Variants in RABGAP1 observed in about 807,000 individuals in gnomAD.
RABGAP1 encodes rab GTPase-activating protein 1.
In RABGAP1, 23 loss-of-function variants were observed where a neutral mutation model predicts 137.6. The ratio of observed to expected loss-of-function variants is 0.17; its 90% confidence interval spans 0.12 to 0.24. RABGAP1 has a LOEUF of 0.24. Among genes scored for constraint, RABGAP1 ranks in the 10% least tolerant of loss-of-function variants. The pLI is 1.00. For synonymous variants in RABGAP1, 451 were observed against 450.7 expected, an observed-to-expected ratio of 1.00 and a Z score of -0.01; for missense variants, 906 against 1,275.8, an observed-to-expected ratio of 0.71 and a Z score of 4.42.
upstream of RABGAP1, among the ~76,000 whole-genome samples, chr9:122,935,955 G>T (rs1833382032): frequency 6.7e-6 from 1 of 149,468 alleles, no homozygotes; most frequent in African/African-American, 2.5e-5. Flanking sequence ...TTCCATGACA[G>T]TTTTTTTTTT....
chr9:123,034,576 A>G (rs1490501744), intron 13 of RABGAP1: 1 of 1,600,506 alleles, frequency 6.2e-7, no homozygotes, highest in Non-Finnish European at 8.5e-7. Context: ...GATGAACTCC[A>G]CCTTGGATGG....
chr9:123,064,369 A>G (rs1182630182), intron 13 of RABGAP1, among the ~76,000 whole-genome samples: 1 of 152,246 alleles, frequency 6.6e-6, no homozygotes, highest in Non-Finnish European at 1.5e-5. Flanking sequence ...AAGAAGGAGC[A>G]TAGGCTTTAA....
At position 122,990,811 on chromosome 9, in the gene RABGAP1, A is replaced by ATG. The variant is rs1564384307; in HGVS notation, c.923+599_923+600insGT. The ATG allele has an allele frequency of 6.0e-3, 630 of 104,570 alleles. 14 individuals carry two copies. Among genetic ancestry groups the ATG allele is most frequent in the Non-Finnish European group, 9.6e-3 (524 of 54,540 alleles). The allele number at this position is 104,570 out of a possible 1,614,324, so 6.5% of individuals were successfully genotyped here. On this transcript the variant is annotated intron_variant, in intron 6 of 25. Transcript: ENST00000373647. ...AAAAAAAAAAAATATATATATATATATATATATATATATATATATATATAT... is the reference window on the plus strand; with the variant it reads ...AAAAAAAAAAAATATATATATATATATGTATATATATATATATATATATATAT...
At chr9:123,010,092 T>G (rs2030664247) in intron 10 of RABGAP1, among the ~76,000 whole-genome samples, 1 of 152,166 alleles carries the variant, frequency 6.6e-6, no homozygotes, top group African/African-American at 2.4e-5. Context: ...CCAATATGGT[T>G]TGAAGCAGAA....
At chr9:122,996,943 C>A (rs779608929) in intron 8 of RABGAP1, 93 of 518,348 alleles carry the variant, frequency 1.8e-4, no homozygotes, top group Non-Finnish European at 3.6e-5. Context: ...TAGTATTATT[C>A]CCATTATCTG....
chr9:122,949,693 CAAAAAAAAA>C (rs60115483), intron 1 of RABGAP1, among the ~76,000 whole-genome samples: 1 of 54,804 alleles, frequency 1.8e-5, no homozygotes, highest in African/African-American at 5.7e-5. Context: ...GACTCTGTCT[CAAAAAAAAA>C]AAAAAAAAAG....
In RABGAP1 at chr9:123,073,665, G is replaced by A; in HGVS notation, c.2097G>A (p.Glu699=). ...EDLHCKFYQL[E]RLMQEYIPDL... is the part of the protein sequence containing the mutation. Reference sequence around the variant, plus strand: ...TGCATTGCAAATTTTACCAGTTGGAGCGCCTCATGCAGGTAAAAAGAGAAA... The same window carrying A: ...TGCATTGCAAATTTTACCAGTTGGAACGCCTCATGCAGGTAAAAAGAGAAA... The change falls in exon 16 of 26, where the codon GAG becomes GAA. Residue 699 remains glutamate (E), a synonymous_variant. Coordinates refer to ENST00000373647, the MANE Select transcript of RABGAP1 (RefSeq NM_012197.4). 6.2e-7 allele frequency: 1 copy of A among 1,613,730 alleles called. No homozygotes were observed. The highest frequency in any genetic ancestry group is 8.5e-7 in the Non-Finnish European group (1 of 1,179,782).
At chr9:122,973,286 G>A (rs534677394) in intron 2 of RABGAP1, among the ~76,000 whole-genome samples, 2 of 152,066 alleles carry the variant, frequency 1.3e-5, no homozygotes, top group Non-Finnish European at 2.9e-5. Flanking sequence ...TGCCCAGGCT[G>A]GAGTGCAGTG....
In RABGAP1 at chr9:122,957,071, G is replaced by A; in HGVS notation, c.12G>A (p.Lys4=). The A allele has an allele frequency of 1.3e-6, 2 of 1,518,574 alleles. No individual in the cohort carries two copies. Among genetic ancestry groups the A allele is most frequent in the Non-Finnish European group, 1.8e-6 (2 of 1,115,680 alleles). The allele number at this position is 1,518,574 out of a possible 1,614,324, so 94.1% of individuals were successfully genotyped here. The part of the protein sequence containing the change: MDD[K]ASVGKISVSS... ...CTCATTCTTGAGTTATGGATGACAA[G>A]GCTTCTGTTGGAAAAATCAGTGTCT... The change falls in exon 2 of 26, where the codon AAG becomes AAA. Residue 4 remains lysine (K), a synonymous_variant. Coordinates refer to ENST00000373647, the MANE Select transcript of RABGAP1 (RefSeq NM_012197.4).
At chr9:123,047,177 A>G (rs1260577992) in intron 13 of RABGAP1, among the ~76,000 whole-genome samples, 1 of 152,258 alleles carries the variant, frequency 6.6e-6, no homozygotes, top group Non-Finnish European at 1.5e-5. Flanking sequence ...ACTTTCAGCC[A>G]AACGAGTTAA....
At chr9:122,935,586 C>T in the RABGAP1 span, among the ~76,000 whole-genome samples, 1 of 152,134 alleles carries the variant, frequency 6.6e-6, no homozygotes, top group Non-Finnish European at 1.5e-5. Flanking sequence ...GGTGATCCAC[C>T]CACCTCGGCC....
chr9:123,102,167 A>C (rs1300765843), intron 25 of RABGAP1, among the ~76,000 whole-genome samples: 1 of 152,206 alleles, frequency 6.6e-6, no homozygotes, highest in Non-Finnish European at 1.5e-5. Flanking sequence ...TAGTGTGCAC[A>C]AATGGCTTGG....
At chr9:122,950,377 C>CTTTTTTTTTTTTTTTTTGTTTTT (rs1834168908) in intron 1 of RABGAP1, among the ~76,000 whole-genome samples, 1 of 74,492 alleles carries the variant, frequency 1.3e-5, no homozygotes, top group Non-Finnish European at 2.4e-5. Flanking sequence ...CTTTTTCTTT[C>CTTTTTTTTTTTTTTTTTGTTTTT]TTTTTTTTTT....
At position 122,984,555 on chromosome 9, in the gene RABGAP1, A is replaced by G. The variant is rs538050107; in HGVS notation, c.221A>G (p.Asp74Gly). 6 of 1,614,174 alleles carry G rather than the reference A, an allele frequency of 3.7e-6. 1 individual carries two copies. In the South Asian group the frequency reaches 6.6e-5, roughly 18 times the overall value. The change falls in exon 3 of 26, where the codon GAC becomes GGC. Residue 74 changes from aspartate (D) to glycine (G), a missense_variant. Asp to Gly is a moderately conservative substitution (Grantham distance 94). Transcript: ENST00000373647. ...LADVLMDPPM[D>G]DQPGEKELVK... is the part of the protein sequence containing the mutation. The stretch of plus-strand genomic sequence containing the variant: ...GATGTACTGATGGATCCTCCAATGG[A>G]CGACCAGCCAGGGGAAAAGGAGCTT...
intron 13 of RABGAP1, among the ~76,000 whole-genome samples, chr9:123,064,729 C>T (rs1383978249): frequency 6.6e-6 from 1 of 152,110 alleles, no homozygotes; most frequent in East Asian, 1.9e-4. Flanking sequence ...GACATTTGTT[C>T]CGTTTTAGTT....
At chr9:122,943,696 G>A (rs1170196434) in intron 1 of RABGAP1, among the ~76,000 whole-genome samples, 1 of 152,168 alleles carries the variant, frequency 6.6e-6, no homozygotes. Context: ...GCTCACGCCT[G>A]TAATCCCAGC....
In RABGAP1 at chr9:123,026,876, A is replaced by C. The variant is rs114695583; in HGVS notation, c.1794+6417A>C. On this transcript the variant is annotated intron_variant, in intron 13 of 25. Coordinates refer to ENST00000373647, the MANE Select transcript of RABGAP1 (RefSeq NM_012197.4). ...GTGCTTAGTAGCAAAAATTTACAGCAAACTACTTCTTCAGTAGATCATTTT... is the reference window on the plus strand; with the variant it reads ...GTGCTTAGTAGCAAAAATTTACAGCCAACTACTTCTTCAGTAGATCATTTT... Among the ~76,000 whole-genome samples the C allele has an allele frequency of 5.0e-3, 762 of 152,352 alleles. 7 individuals carry two copies. Among genetic ancestry groups the C allele is most frequent in the African/African-American group, 0.018 (734 of 41,588 alleles).
chr9:123,049,290 T>TTG (rs2033355894), intron 13 of RABGAP1, among the ~76,000 whole-genome samples: 1 of 152,018 alleles, frequency 6.6e-6, no homozygotes, highest in African/African-American at 2.4e-5. Context: ...TATGGTGTTT[T>TTG]TTGTTGTTGT....
At chr9:122,971,626 T>C (rs1835477232) in intron 2 of RABGAP1, 7 of 152,084 alleles carry the variant, frequency 4.6e-5, no homozygotes, top group Admixed American at 4.6e-4. Context: ...AATGTAAAAA[T>C]TAAGCCAACT....
Sources: allele counts gnomAD v4.1 joint callset (sites outside exome capture counted in the v4.1 genomes callset), GRCh38; gene constraint gnomAD v4.1.1; transcripts MANE v1.5; gene names NCBI Gene and HGNC (gene_info 2026-07-23, HGNC 2026-07-21).